The following ISCA1 variants were observed in gnomAD, a reference collection of about 807,000 sequenced individuals.
ISCA1 encodes iron-sulfur cluster assembly 1 homolog, mitochondrial.
Under a neutral mutation model 14.7 loss-of-function variants are expected in ISCA1, and 9 were observed. That is an observed-to-expected ratio of 0.61 (90% confidence interval 0.37 to 1.07). The LOEUF is 1.07. Ranked by LOEUF, ISCA1 falls within the 50% of genes least tolerant of loss-of-function variation. The probability of loss-of-function intolerance (pLI) is 0.01; values close to 1 mark genes in which losing one functional copy is unlikely to be tolerated. For missense variants in ISCA1, 102 were observed against 150.1 expected, an observed-to-expected ratio of 0.68 and a Z score of 1.67; for synonymous variants, 38 against 54.3, an observed-to-expected ratio of 0.70 and a Z score of 1.32.
chr9:86,279,653 GT>G (rs1825484689), intron 1 of ISCA1, among the ~76,000 whole-genome samples: 1 of 152,076 alleles, frequency 6.6e-6, no homozygotes, highest in Non-Finnish European at 1.5e-5. Flanking sequence ...AGGTATACTT[GT>G]GTTTGCTCTT....
chr9:86,274,306 T>A (rs1414445367), intron 1 of ISCA1, 64 bp from the exon 2 acceptor site: 2 of 1,048,110 alleles, frequency 1.9e-6, no homozygotes, highest in Non-Finnish European at 2.9e-6. Flanking sequence ...TATTTATCAG[T>A]CTTCGTAAGT....
At chr9:86,277,575 T>G (rs550248791) in intron 1 of ISCA1, among the ~76,000 whole-genome samples, 74 of 152,292 alleles carry the variant, frequency 4.9e-4, no homozygotes, top group African/African-American at 1.5e-3. Flanking sequence ...TCTGGCAACT[T>G]TGTGCTTAGG....
intron 3 of ISCA1, among the ~76,000 whole-genome samples, chr9:86,270,528 A>C (rs1198274920): frequency 8.0e-5 from 12 of 150,516 alleles, no homozygotes; most frequent in Admixed American, 2.0e-4. Context: ...TGTGGAAGTC[A>C]GTGTGGCGAT....
intron 3 of ISCA1, chr9:86,266,917 T>G (rs930656637): frequency 2.6e-5 from 4 of 152,362 alleles, no homozygotes; most frequent in African/African-American, 9.6e-5. Flanking sequence ...AAGCTGGTCT[T>G]GCATTCCTGG....
At chr9:86,266,323 T>A in intron 3 of ISCA1, 132 bp from the exon 4 acceptor site, 1 of 1,370,428 alleles carries the variant, frequency 7.3e-7, no homozygotes, top group Non-Finnish European at 9.7e-7. Flanking sequence ...TTTTAAATTA[T>A]TTCCTTAAGG....
At chr9:86,266,776 A>T (rs1361811661) in intron 3 of ISCA1, 1 of 151,430 alleles carries the variant, frequency 6.6e-6, no homozygotes, top group Non-Finnish European at 1.5e-5. Flanking sequence ...CCCCGGCTGG[A>T]GTGCAGTGGT....
At chr9:86,267,264 T>C in intron 3 of ISCA1, 1 of 793,086 alleles carries the variant, frequency 1.3e-6, no homozygotes, top group Non-Finnish European at 1.5e-6. Flanking sequence ...AAAAACTTTC[T>C]TCCTTACAAG....
chr9:86,276,400 C>G (rs1211502164), intron 1 of ISCA1, among the ~76,000 whole-genome samples: 3 of 152,188 alleles, frequency 2.0e-5, no homozygotes, highest in African/African-American at 7.2e-5. Context: ...AGCGCAGGGA[C>G]TGGGGACCCC....
At chr9:86,276,495 G>C (rs897835295) in intron 1 of ISCA1, among the ~76,000 whole-genome samples, 1 of 152,152 alleles carries the variant, frequency 6.6e-6, no homozygotes, top group Non-Finnish European at 1.5e-5. Flanking sequence ...GCATGCTGAA[G>C]AAATTAATCA....
At chr9:86,267,501 A>T (rs1306364946) in intron 3 of ISCA1, 1 of 976,706 alleles carries the variant, frequency 1.0e-6, no homozygotes, top group Non-Finnish European at 1.2e-6. Flanking sequence ...TTCCAATGAC[A>T]AGATAAATTA....
rs927467290 is a variant in ISCA1 at position 86,267,547 on chromosome 9, G to C, written c.242-1356C>G. Reference sequence around the variant, plus strand: ...ATAGGTTTTAACAGATTATAGGGTGGAAGAAGGGGGCAGCAGCAAATATAA... The same window carrying C: ...ATAGGTTTTAACAGATTATAGGGTGCAAGAAGGGGGCAGCAGCAAATATAA... On this transcript the variant is annotated intron_variant, in intron 3 of 3. Coordinates refer to ENST00000375991, the MANE Select transcript of ISCA1 (RefSeq NM_030940.4). The C allele has an allele frequency of 1.1e-5, 11 of 956,886 alleles. No individual in the cohort carries two copies. In the African/African-American group the frequency reaches 1.6e-4, roughly 14 times the overall value. The allele number at this position is 956,886 out of a possible 1,614,324, so 59.3% of individuals were successfully genotyped here.
At chr9:86,274,034 C>T (rs1369095656) in intron 2 of ISCA1, among the ~76,000 whole-genome samples, 155 bp downstream of exon 2, 1 of 152,148 alleles carries the variant, frequency 6.6e-6, no homozygotes, top group Non-Finnish European at 1.5e-5. Context: ...TAGTTAAATA[C>T]CCTTTTGTAT....
chr9:86,271,965 A>T, intron 3 of ISCA1, 42 bp downstream of exon 3: 1 of 1,081,194 alleles, frequency 9.2e-7, no homozygotes, highest in East Asian at 2.4e-5. Context: ...TAATAATTTT[A>T]GGCAAAACAA....
At chr9:86,279,651 T>C (rs565691811) in intron 1 of ISCA1, among the ~76,000 whole-genome samples, 1 of 152,356 alleles carries the variant, frequency 6.6e-6, no homozygotes, top group Admixed American at 6.5e-5. Context: ...TTAGGTATAC[T>C]TGTGTTTGCT....
chr9:86,281,251 A>T (rs1288667311), intron 1 of ISCA1, among the ~76,000 whole-genome samples: 3 of 152,222 alleles, frequency 2.0e-5, no homozygotes, highest in Non-Finnish European at 4.4e-5. Flanking sequence ...TACCATATAT[A>T]ATCAGGGTAA....
At position 86,276,870 on chromosome 9, in the gene ISCA1, CAA is replaced by C. The variant is rs35460722; in HGVS notation, c.82-2630_82-2629del. On this transcript the variant is annotated intron_variant, in intron 1 of 3. Transcript: ENST00000375991. ...TGGGAAACAGAGTGAGACTCTGTCT[CAA>C]AAAAAAAAAAAAAAAAAAAAAAAAG... 8.8e-3 allele frequency among the ~76,000 whole-genome samples: 350 copies of C among 39,868 alleles called. 6 individuals carry two copies. The highest frequency in any genetic ancestry group is 0.032 in the African/African-American group (330 of 10,252). 26.2% of individuals were successfully genotyped at this position (39,868 alleles called of 152,430 possible).
chr9:86,266,205 A>G lies in ISCA1; in HGVS notation c.242-14T>C. ...ATACTCTGACTCCTTGGAGAAAAGA[A>G]AACATGTGTCATGGAAAGCCTGCAG... On this transcript the variant is annotated splice_polypyrimidine_tract_variant and intron_variant, in intron 3 of 3. Coordinates refer to ENST00000375991, the MANE Select transcript of ISCA1 (RefSeq NM_030940.4). 6.3e-7 allele frequency: 1 copy of G among 1,595,114 alleles called. No individual in the cohort carries two copies. Among genetic ancestry groups the G allele is most frequent in the Non-Finnish European group, 8.5e-7 (1 of 1,172,570 alleles).
Position 86,274,207 on chromosome 9 carries a change from A to G in ISCA1, c.117T>C (p.Leu39=). 6.3e-7 allele frequency: 1 copy of G among 1,588,344 alleles called. No individual in the cohort carries two copies. The highest frequency in any genetic ancestry group is 8.6e-7 in the Non-Finnish European group (1 of 1,157,260). ...PSAVNKIKQL[L]KDKPEHVGVK... Reference sequence around the variant, plus strand: ...TACTTACATGCTCAGGCTTATCTTTAAGAAGTTGTTTTATCTTGTTTACTG... The same window carrying G: ...TACTTACATGCTCAGGCTTATCTTTGAGAAGTTGTTTTATCTTGTTTACTG... Residue 39 remains leucine (L), a synonymous_variant, in exon 2 of 4, where the codon CTT becomes CTC. Transcript: ENST00000375991.
intron 3 of ISCA1, 22 bp from the exon 4 acceptor site, chr9:86,266,213 G>A (rs554664354): frequency 2.5e-6 from 4 of 1,587,838 alleles, no homozygotes; most frequent in South Asian, 2.3e-5. Flanking sequence ...GAAAACATGT[G>A]TCATGGAAAG....
Sources: allele counts gnomAD v4.1 joint callset (sites outside exome capture counted in the v4.1 genomes callset), GRCh38; gene constraint gnomAD v4.1.1; transcripts MANE v1.5; gene names NCBI Gene and HGNC (gene_info 2026-07-23, HGNC 2026-07-21).